Variants in RBM4B observed in about 807,000 individuals in gnomAD.
RBM4B encodes the protein RNA binding motif protein 4B.
Under a neutral mutation model 28.5 loss-of-function variants are expected in RBM4B, and 13 were observed. That is an observed-to-expected ratio of 0.46 (90% CI 0.30 to 0.72). The LOEUF (loss-of-function observed/expected upper bound fraction) is 0.72. RBM4B is among the 30% of genes least tolerant of loss of function. The pLI is 0.09. For synonymous variants in RBM4B, 167 were observed against 179.1 expected, an observed-to-expected ratio of 0.93 and a Z score of 0.54; for missense variants, 387 against 477.6, an observed-to-expected ratio of 0.81 and a Z score of 1.77.
At position 66,669,252 on chromosome 11, in the gene RBM4B, C is replaced by T. The variant is rs756890495; in HGVS notation, c.452G>A (p.Arg151Gln). The change falls in exon 3 of 4, where the codon CGG becomes CAG. Residue 151 changes from arginine (R) to glutamine (Q), a missense_variant. Coordinates refer to ENST00000310046, the MANE Select transcript of RBM4B (RefSeq NM_031492.4). ...CTGGTCTCCCATACCAGGGGCAGTC[C>T]GAAGCCGGCTTGTGGACAACTGCAC... The part of the protein sequence containing the change: ...MHVQLSTSRL[R>Q]TAPGMGDQSG... The T allele has an allele frequency of 6.8e-6, 11 of 1,614,080 alleles. No homozygotes were observed. Among genetic ancestry groups the T allele is most frequent in the Non-Finnish European group, 8.5e-6 (10 of 1,179,976 alleles).
At position 66,665,064 on chromosome 11, in the gene RBM4B, A is replaced by T. The variant is rs1472252966; in HGVS notation, c.*524T>A. The T allele has an allele frequency of 6.5e-6, 1 of 152,794 alleles. No individual in the cohort carries two copies. The highest frequency in any genetic ancestry group is 2.4e-5 in the African/African-American group (1 of 41,480). 9.5% of individuals were successfully genotyped at this position (152,794 alleles called of 1,614,324 possible). On this transcript the variant is annotated 3_prime_UTR_variant, in exon 4 of 4. Coordinates refer to ENST00000310046, the MANE Select transcript of RBM4B (RefSeq NM_031492.4). Reference sequence around the variant, plus strand: ...AAAAAGGGAGGAGTGGAGTAAAACAAGGGTAAATTTCAGCTAATGCTGTAC... The same window carrying T: ...AAAAAGGGAGGAGTGGAGTAAAACATGGGTAAATTTCAGCTAATGCTGTAC...
At chr11:66,672,406 TAA>T (rs539171629) in intron 2 of RBM4B, among the ~76,000 whole-genome samples, 16 of 59,028 alleles carry the variant, frequency 2.7e-4, no homozygotes, top group African/African-American at 9.2e-4. Context: ...CAAGACTGTC[TAA>T]AAAAAAAAAA....
intron 3 of RBM4B, chr11:66,666,012 A>G (rs962228832): frequency 1.4e-6 from 2 of 1,422,686 alleles, no homozygotes; most frequent in Middle Eastern, 1.8e-4. Flanking sequence ...GTTTTGTTTT[A>G]ATCTTTCACA....
intron 1 of RBM4B, chr11:66,677,523 A>G (rs1939678124): frequency 6.1e-6 from 1 of 163,182 alleles, no homozygotes; most frequent in Admixed American, 6.1e-5. Flanking sequence ...CCTTTCCCCC[A>G]AACCGGGGAC....
rs764899958 is a variant in RBM4B, at chr11:66,676,844, T to C, written c.236A>G (p.Lys79Arg). 3.1e-6 allele frequency: 5 copies of C among 1,614,202 alleles called. No individual in the cohort carries two copies. Among genetic ancestry groups the C allele is most frequent in the Admixed American group, 1.7e-5 (1 of 60,014 alleles). The change falls in exon 2 of 4, where the codon AAG becomes AGG. Residue 79 changes from lysine (K) to arginine (R), a missense_variant. Lys to Arg is a conservative substitution (Grantham distance 26). Transcript: ENST00000310046. ...GGGGCTGATGTTACCCACGTGTAAC[T>C]TGGTTGAAGCTTTGCTCTTATTCTT... ...ASKNKSKASTKLHVGNISPTC... is the reference protein window; with the variant it reads ...ASKNKSKASTRLHVGNISPTC...
At chr11:66,677,614 T>TCCGGAGACCCGGCCCCGCCTCCTC (rs1939681481) in intron 1 of RBM4B, 150 bp downstream of exon 1, 1 of 155,216 alleles carries the variant, frequency 6.4e-6, no homozygotes, top group South Asian at 1.9e-4. Flanking sequence ...CCCGCCTCCT[T>TCCGGAGACCCGGCCCCGCCTCCTC]CCGGAGACCC....
At chr11:66,671,498 GC>G (rs1318874003) in intron 2 of RBM4B, among the ~76,000 whole-genome samples, 3 of 152,114 alleles carry the variant, frequency 2.0e-5, no homozygotes, top group Non-Finnish European at 4.4e-5. Flanking sequence ...CTAAAAAGGA[GC>G]CAATCCAGAG....
chr11:66,667,453 GA>G (rs1939278025), intron 3 of RBM4B: 1 of 152,124 alleles, frequency 6.6e-6, no homozygotes, highest in Non-Finnish European at 1.5e-5. Flanking sequence ...ATTGCTGGAA[GA>G]AACAGGAAGC....
chr11:66,666,283 C>T, intron 3 of RBM4B: 1 of 1,096,436 alleles, frequency 9.1e-7, no homozygotes, highest in Non-Finnish European at 1.1e-6. Flanking sequence ...CCAAGTTCCT[C>T]TACTTATTAC....
rs746387266 is a variant in RBM4B at position 66,665,423 on chromosome 11, CAACTT to C, written c.*160_*164del. 89 of 670,828 alleles carry C rather than the reference CAACTT, an allele frequency of 1.3e-4. No individual in the cohort carries two copies. Among genetic ancestry groups the C allele is most frequent in the Middle Eastern group, 2.5e-4 (1 of 4,010 alleles). 41.6% of individuals were successfully genotyped at this position (670,828 alleles called of 1,614,324 possible). A position where few individuals can be genotyped will look rare whatever the true frequency, so the allele number is the denominator to read the frequency against. The stretch of plus-strand genomic sequence containing the variant: ...ACTAGTTTCAGGAGGAAAGAAAAGT[CAACTT>C]AGAAGAATTAAGAAAGAAAACATAG... On this transcript the variant is annotated 3_prime_UTR_variant, in exon 4 of 4. Coordinates refer to ENST00000310046, the MANE Select transcript of RBM4B (RefSeq NM_031492.4).
At chr11:66,673,632 T>C (rs1279854283) in intron 2 of RBM4B, among the ~76,000 whole-genome samples, 1 of 152,144 alleles carries the variant, frequency 6.6e-6, no homozygotes, top group African/African-American at 2.4e-5. Context: ...CTAATTTTTG[T>C]ATTTTTAGTA....
intron 2 of RBM4B, among the ~76,000 whole-genome samples, chr11:66,672,152 A>G (rs984770921): frequency 6.6e-6 from 1 of 151,838 alleles, no homozygotes; most frequent in African/African-American, 2.4e-5. Flanking sequence ...CATATCTGTA[A>G]TCCCAGCACT....
In RBM4B at chr11:66,665,425, A is replaced by G. The variant is rs1939189557; in HGVS notation, c.*163T>C. The G allele has an allele frequency of 2.2e-5, 15 of 678,684 alleles. No homozygotes were observed. In the East Asian group the frequency reaches 3.2e-4, roughly 15 times the overall value. The allele number at this position is 678,684 out of a possible 1,614,324, so 42.0% of individuals were successfully genotyped here. ...TAGTTTCAGGAGGAAAGAAAAGTCA[A>G]CTTAGAAGAATTAAGAAAGAAAACA... On this transcript the variant is annotated 3_prime_UTR_variant, in exon 4 of 4. Transcript: ENST00000310046.
chr11:66,670,849 A>G (rs1456717936), intron 2 of RBM4B: 1 of 693,414 alleles, frequency 1.4e-6, no homozygotes, highest in Non-Finnish European at 2.6e-6. Context: ...GTACAGATAA[A>G]AAGAACAGGG....
At chr11:66,672,422 A>C (rs1356612766) in intron 2 of RBM4B, among the ~76,000 whole-genome samples, 1 of 150,796 alleles carries the variant, frequency 6.6e-6, no homozygotes, top group Non-Finnish European at 1.5e-5. Context: ...AAAAAAAAAA[A>C]AAAAAAACCC....
chr11:66,666,861 T>C (rs1365370463), intron 3 of RBM4B: 1 of 152,186 alleles, frequency 6.6e-6, no homozygotes, highest in Non-Finnish European at 1.5e-5. Context: ...TCATAACATT[T>C]GCTTCTCAAT....
chr11:66,665,900 G>A, intron 3 of RBM4B: 1 of 1,535,278 alleles, frequency 6.5e-7, no homozygotes, highest in Non-Finnish European at 8.7e-7. Flanking sequence ...CTGTAACAAA[G>A]GGCATACATA....
chr11:66,666,107 A>G (rs1350694663), intron 3 of RBM4B: 2 of 817,504 alleles, frequency 2.4e-6, no homozygotes, highest in African/African-American at 1.7e-5. Flanking sequence ...ACACACCTAC[A>G]TGTCACACTG....
In RBM4B at chr11:66,665,590, C is replaced by G; in HGVS notation, c.*10-12G>C. The G allele has an allele frequency of 6.5e-7, 1 of 1,535,960 alleles. No individual in the cohort carries two copies. The highest frequency in any genetic ancestry group is 8.7e-7 in the Non-Finnish European group (1 of 1,146,872). Reference sequence around the variant, plus strand: ...CGCAATTATCCTACCTGAAAGAGAGCACAACACAAGAGGCTTACACAATGC... The same window carrying G: ...CGCAATTATCCTACCTGAAAGAGAGGACAACACAAGAGGCTTACACAATGC... On this transcript the variant is annotated splice_polypyrimidine_tract_variant and intron_variant, in intron 3 of 3. Transcript: ENST00000310046.
Sources: allele counts gnomAD v4.1 joint callset (sites outside exome capture counted in the v4.1 genomes callset), GRCh38; gene constraint gnomAD v4.1.1; transcripts MANE v1.5; gene names NCBI Gene and HGNC (gene_info 2026-07-23, HGNC 2026-07-21).